TOPBP1: variants seen among roughly 807,000 people sequenced by gnomAD.
TOPBP1 encodes the protein DNA topoisomerase II binding protein 1.
TOPBP1 carries 28 observed loss-of-function variants against 167.7 expected under a neutral mutation model. The ratio of observed to expected loss-of-function variants is 0.17; its 90% CI spans 0.12 to 0.23. TOPBP1 has a LOEUF of 0.23. Among genes scored for constraint, TOPBP1 ranks in the 10% least tolerant of loss-of-function variants. The pLI is 1.00. For missense variants in TOPBP1, 1,554 were observed against 1,809.6 expected, an observed-to-expected ratio of 0.86 and a Z score of 2.56; for synonymous variants, 598 against 611.4, an observed-to-expected ratio of 0.98 and a Z score of 0.32.
chr3:133,659,267 C>T (rs182286287), intron 2 of TOPBP1, 117 bp from the exon 3 acceptor site: 5 of 1,060,798 alleles, frequency 4.7e-6, no homozygotes, highest in African/African-American at 1.6e-5. Flanking sequence ...TCACATCTCA[C>T]TTAGACCTCT....
At chr3:133,607,817 CA>C (rs1312496897) in intron 27 of TOPBP1, among the ~76,000 whole-genome samples, 1 of 152,180 alleles carries the variant, frequency 6.6e-6, no homozygotes, top group East Asian at 1.9e-4. Flanking sequence ...GGATACTAAT[CA>C]GTATGCCCTC....
chr3:133,602,888 T>C (rs1039716517), intron 27 of TOPBP1, among the ~76,000 whole-genome samples: 1 of 149,944 alleles, frequency 6.7e-6, no homozygotes, highest in African/African-American at 2.5e-5. Flanking sequence ...ATCTACCTTT[T>C]TTCATTTTTT....
In TOPBP1 at chr3:133,649,384, T is replaced by A; in HGVS notation, c.1503A>T (p.Val501=). 6.2e-7 allele frequency: 1 copy of A among 1,612,122 alleles called. No individual in the cohort carries two copies. The highest frequency in any genetic ancestry group is 8.5e-7 in the Non-Finnish European group (1 of 1,179,540). ...AAATACTAATCAAGCATTTCTTACC[T>A]ACTGTGGAGCTACCATTTTCATATT... ...LSQYENGSST[V]VEAKTSEARP... The change falls in exon 10 of 28, where the codon GTA becomes GTT. Residue 501 remains valine (V), a splice_region_variant and synonymous_variant. Transcript: ENST00000260810.
intron 14 of TOPBP1, 134 bp from the exon 15 acceptor site, chr3:133,628,867 T>C (rs1390900150): frequency 1.2e-6 from 1 of 842,696 alleles, no homozygotes; most frequent in Non-Finnish European, 1.8e-6. Flanking sequence ...TCCTCAAAAT[T>C]AATGGATTAC....
chr3:133,643,131 G>T, intron 12 of TOPBP1, 69 bp downstream of exon 12: 1 of 1,376,712 alleles, frequency 7.3e-7, no homozygotes, highest in Non-Finnish European at 9.5e-7. Flanking sequence ...TAATTTGAAT[G>T]CTCTCCAAGA....
In TOPBP1 at chr3:133,604,121, C is replaced by CTTATTTAT. The variant is rs372879387; in HGVS notation, c.4426-2736_4426-2729dup. Among the ~76,000 whole-genome samples, 167 of 150,860 alleles carry CTTATTTAT rather than the reference C, an allele frequency of 1.1e-3. 1 individual carries two copies. Among genetic ancestry groups the CTTATTTAT allele is most frequent in the African/African-American group, 3.2e-3 (133 of 41,028 alleles). ...ACAAGTTGACAATATCAGGAATAAA[C>CTTATTTAT]TTATTTATTTATTTATTTATTTATT... On this transcript the variant is annotated intron_variant, in intron 27 of 27. Coordinates refer to ENST00000260810, the MANE Select transcript of TOPBP1 (RefSeq NM_007027.4).
chr3:133,651,255 C>T (rs531495746), intron 8 of TOPBP1, among the ~76,000 whole-genome samples: 10 of 141,156 alleles, frequency 7.1e-5, no homozygotes, highest in Admixed American at 6.0e-4. Context: ...GGCGCAATCT[C>T]GGCTCACTGT....
In TOPBP1 at chr3:133,619,169, A is replaced by G. The variant is rs114324476; in HGVS notation, c.3372-736T>C. The stretch of plus-strand genomic sequence containing the variant: ...ACAAAACACCAAAACCCATAAAACA[A>G]TTTACCAAAGGAACCCCCAAATAGT... On this transcript the variant is annotated intron_variant, in intron 20 of 27. Transcript: ENST00000260810. Among the ~76,000 whole-genome samples the G allele has an allele frequency of 1.6e-3, 248 of 152,036 alleles. 1 individual carries two copies. The highest frequency in any genetic ancestry group is 5.5e-3 in the African/African-American group (230 of 41,544).
At chr3:133,619,505 C>T (rs565012229) in intron 20 of TOPBP1, among the ~76,000 whole-genome samples, 20 of 152,164 alleles carry the variant, frequency 1.3e-4, no homozygotes, top group African/African-American at 4.6e-4. Context: ...GAGCTTAAGT[C>T]ACATCACACT....
At position 133,638,078 on chromosome 3, in the gene TOPBP1, T is replaced by G; in HGVS notation, c.2318A>C (p.His773Pro). 1 of 1,614,014 alleles carries G rather than the reference T, an allele frequency of 6.2e-7. No individual in the cohort carries two copies. Among genetic ancestry groups the G allele is most frequent in the South Asian group, 1.1e-5 (1 of 91,086 alleles). Residue 773 changes from histidine (H) to proline (P), a missense_variant, in exon 14 of 28, where the codon CAC (histidine) becomes CCC (proline). By Grantham distance (77) the His-to-Pro change is moderately conservative. Around this residue, in one of 3 missense-constraint regions of TOPBP1, gnomAD observed 1,197 missense variants for 1,351.5 expected, o/e 0.89. Coordinates refer to ENST00000260810, the MANE Select transcript of TOPBP1 (RefSeq NM_007027.4). ...TAAAGGTGTAACGACGGTTTTTCTG[T>G]GAGTTTGCAGGCGTGTGCCAGGATG... ...AEHPGTRLQT[H>P]RKTVVTPLDM...
At chr3:133,642,011 A>G (rs1356027848) in intron 12 of TOPBP1, among the ~76,000 whole-genome samples, 1 of 151,712 alleles carries the variant, frequency 6.6e-6, no homozygotes, top group Non-Finnish European at 1.5e-5. Flanking sequence ...TTTTTTGGAG[A>G]CAGGATCTCA....
At chr3:133,624,846 G>A (rs1559815516) in intron 16 of TOPBP1, among the ~76,000 whole-genome samples, 1 of 152,002 alleles carries the variant, frequency 6.6e-6, no homozygotes, top group Non-Finnish European at 1.5e-5. Context: ...AAGAACTAAG[G>A]GACATGGTTC....
chr3:133,609,339 A>G (rs1934599468), intron 25 of TOPBP1, among the ~76,000 whole-genome samples: 1 of 152,202 alleles, frequency 6.6e-6, no homozygotes, highest in Admixed American at 6.5e-5. Flanking sequence ...ACAAACTGGA[A>G]ACAAAATATT....
chr3:133,607,935 C>G (rs1257219719), intron 27 of TOPBP1, among the ~76,000 whole-genome samples: 2 of 152,144 alleles, frequency 1.3e-5, no homozygotes, highest in Non-Finnish European at 2.9e-5. Context: ...GTTGGCCTCC[C>G]CTTATTTCTG....
At chr3:133,638,194 G>C in intron 13 of TOPBP1, 32 bp from the exon 14 acceptor site, 1 of 1,600,704 alleles carries the variant, frequency 6.2e-7, no homozygotes, top group South Asian at 1.1e-5. Context: ...AAACAAATAT[G>C]AGCCACTAAT....
chr3:133,642,506 T>A lies in TOPBP1; in HGVS notation c.2021+694A>T, dbSNP rs78279593. On this transcript the variant is annotated intron_variant, in intron 12 of 27. Transcript: ENST00000260810. ...TCTTGCTGATTATATCACTGTAGTA[T>A]AGTTTAACGTGTTATTCTGCTGTTT... is the stretch of plus-strand genomic sequence containing the variant. Among the ~76,000 whole-genome samples, 397 of 152,326 alleles carry A rather than the reference T, an allele frequency of 2.6e-3. 1 individual carries two copies. The highest frequency in any genetic ancestry group is 9.0e-3 in the African/African-American group (374 of 41,574).
chr3:133,639,894 A>T, intron 13 of TOPBP1, 65 bp downstream of exon 13: 1 of 1,502,082 alleles, frequency 6.7e-7, no homozygotes, highest in Non-Finnish European at 9.0e-7. Flanking sequence ...AAGCATTGGC[A>T]CATTTATATC....
At chr3:133,610,315 A>G (rs937684334) in intron 25 of TOPBP1, among the ~76,000 whole-genome samples, 4 of 152,244 alleles carry the variant, frequency 2.6e-5, no homozygotes, top group Non-Finnish European at 5.9e-5. Flanking sequence ...TGATTTTGGA[A>G]TATAAAGAAT....
chr3:133,661,258 T>G, intron 1 of TOPBP1, 124 bp from the exon 2 acceptor site: 1 of 666,240 alleles, frequency 1.5e-6, no homozygotes, highest in Admixed American at 3.9e-5. Flanking sequence ...GCTCTGCCCG[T>G]GAATTCGTCA....
Sources: allele counts gnomAD v4.1 joint callset (sites outside exome capture counted in the v4.1 genomes callset), GRCh38; gene constraint gnomAD v4.1.1; regional missense constraint gnomAD v4.1.1; transcripts MANE v1.5; gene names NCBI Gene and HGNC (gene_info 2026-07-23, HGNC 2026-07-21).